The following ZNF708 variants were observed in gnomAD, a reference collection of about 807,000 sequenced individuals.
ZNF708 encodes the protein ZNF15, ZNF15L1.
A neutral mutation model predicts 47.0 loss-of-function variants in ZNF708; 44 were observed. The ratio of observed to expected loss-of-function variants is 0.94; its 90% CI spans 0.74 to 1.20. The LOEUF is 1.20. Ranked by LOEUF, ZNF708 falls within the 50% of genes most tolerant of loss-of-function variation. The probability of loss-of-function intolerance (pLI) is 0.00; values close to 1 mark genes in which losing one functional copy is unlikely to be tolerated. For missense variants in ZNF708, 557 were observed against 656.0 expected (o/e 0.85, Z 1.65); for synonymous variants, 184 against 218.5 (o/e 0.84, Z 1.39).
chr19:21,294,684 A>T lies in ZNF708; in HGVS notation c.282T>A (p.Ser94=), dbSNP rs754739295. 1.2e-6 allele frequency: 2 copies of T among 1,613,808 alleles called. No homozygotes were observed. Among genetic ancestry groups the T allele is most frequent in the East Asian group, 4.5e-5 (2 of 44,866 alleles). ...ATCTTCTCAGTATCACTTGTTGGAA[A>T]GAATTTTTTATATATTGCTCTGGCC... is the stretch of plus-strand genomic sequence containing the variant. ...DLRPEQYIKN[S]FQQVILRRYG... is the part of the protein sequence containing the mutation. The change falls in exon 4 of 4, where the codon TCT becomes TCA. Residue 94 remains serine (S), a synonymous_variant. Transcript: ENST00000356929.
chr19:21,310,057 T>C (rs886852236), intron 2 of ZNF708, among the ~76,000 whole-genome samples: 1 of 151,686 alleles, frequency 6.6e-6, no homozygotes, highest in African/African-American at 2.4e-5. Context: ...AAACAGGTAG[T>C]TGAAACTCAT....
chr19:21,323,407 C>T (rs1707388066), intron 1 of ZNF708, among the ~76,000 whole-genome samples: 1 of 152,190 alleles, frequency 6.6e-6, no homozygotes. Context: ...CTCCAAAGAA[C>T]AGGCTGACTT....
intron 1 of ZNF708, among the ~76,000 whole-genome samples, chr19:21,322,934 T>C (rs1973182152): frequency 1.3e-5 from 2 of 152,204 alleles, no homozygotes; most frequent in Non-Finnish European, 2.9e-5. Context: ...ATTTCTGAGC[T>C]ACTGTTTAAA....
chr19:21,321,704 A>G (rs62107476), intron 1 of ZNF708, among the ~76,000 whole-genome samples: 78,045 of 140,662 alleles, frequency 0.55, 21,980 homozygotes, highest in Middle Eastern at 0.68. Flanking sequence ...AGAAAGAAAG[A>G]AAGGAAGGAA....
chr19:21,314,760 T>C (rs1202572080), intron 1 of ZNF708, among the ~76,000 whole-genome samples: 6 of 152,118 alleles, frequency 3.9e-5, no homozygotes, highest in Non-Finnish European at 8.8e-5. Flanking sequence ...ACATCCCTTG[T>C]ATAAGGGAAG....
rs376603584 is a variant in ZNF708, at chr19:21,329,207, C to T, written c.3+3G>A. ...CTCTCGGGATGTCGGACGGCACTCT[C>T]ACCATTTCTAGGCTTCCAGAGGGTC... On this transcript the variant is annotated splice_donor_region_variant and intron_variant, in intron 1 of 3. Transcript: ENST00000356929. 2 of 1,612,284 alleles carry T rather than the reference C, an allele frequency of 1.2e-6. No homozygotes were observed. The highest frequency in any genetic ancestry group is 8.5e-7 in the Non-Finnish European group (1 of 1,178,682).
chr19:21,323,079 G>A (rs1973184750), intron 1 of ZNF708, among the ~76,000 whole-genome samples: 2 of 152,150 alleles, frequency 1.3e-5, no homozygotes, highest in South Asian at 2.1e-4. Flanking sequence ...TGGCAGACAT[G>A]TATAGAACAA....
chr19:21,303,708 T>C (rs752181733), intron 3 of ZNF708, among the ~76,000 whole-genome samples: 5 of 151,976 alleles, frequency 3.3e-5, no homozygotes, highest in Non-Finnish European at 5.9e-5. Flanking sequence ...AGTAACGTAA[T>C]AGAAAAAATT....
chr19:21,319,366 C>T (rs1599687857), intron 1 of ZNF708, among the ~76,000 whole-genome samples: 1 of 151,918 alleles, frequency 6.6e-6, no homozygotes. Flanking sequence ...GTAAAAGGAA[C>T]CTAGTATGTT....
intron 3 of ZNF708, among the ~76,000 whole-genome samples, chr19:21,304,591 A>T (rs1286802286): frequency 6.6e-6 from 1 of 152,208 alleles, no homozygotes; most frequent in Admixed American, 6.5e-5. Context: ...AAGTCTTATT[A>T]AATTTATGAA....
chr19:21,319,302 G>A (rs922319232), intron 1 of ZNF708, among the ~76,000 whole-genome samples: 4 of 152,136 alleles, frequency 2.6e-5, no homozygotes, highest in Non-Finnish European at 5.9e-5. Flanking sequence ...TTTTTGCAGT[G>A]TAAGTACTTC....
At chr19:21,328,443 A>C (rs144151847) in intron 1 of ZNF708, among the ~76,000 whole-genome samples, 27 of 152,322 alleles carry the variant, frequency 1.8e-4, no homozygotes, top group African/African-American at 6.0e-4. Context: ...GTTTATTTGC[A>C]GTTTAAATCT....
At chr19:21,320,514 C>A (rs901182820) in intron 1 of ZNF708, among the ~76,000 whole-genome samples, 2 of 151,538 alleles carry the variant, frequency 1.3e-5, no homozygotes, top group East Asian at 3.9e-4. Flanking sequence ...GGCAAAACCC[C>A]GTCTCTACAA....
intron 3 of ZNF708, among the ~76,000 whole-genome samples, chr19:21,305,158 G>A (rs1037160876): frequency 2.0e-5 from 3 of 151,164 alleles, no homozygotes; most frequent in African/African-American, 4.9e-5. Context: ...CTACAGGTGC[G>A]TGCCACCACG....
chr19:21,328,414 C>T (rs1426562352), intron 1 of ZNF708, among the ~76,000 whole-genome samples: 1 of 152,112 alleles, frequency 6.6e-6, no homozygotes, highest in Non-Finnish European at 1.5e-5. Context: ...TCAGAAGGAA[C>T]TAGAAATTTA....
At chr19:21,311,956 T>A (rs1849389213) in intron 1 of ZNF708, among the ~76,000 whole-genome samples, 1 of 152,074 alleles carries the variant, frequency 6.6e-6, no homozygotes, top group Non-Finnish European at 1.5e-5. Context: ...GAACCCCTCA[T>A]ACTCAATTCT....
At chr19:21,311,508 A>T (rs953787350) in intron 1 of ZNF708, among the ~76,000 whole-genome samples, 1 of 152,198 alleles carries the variant, frequency 6.6e-6, no homozygotes, top group African/African-American at 2.4e-5. Context: ...AAAGTGAATT[A>T]TAGTCTGAAT....
chr19:21,300,101 C>T (rs569016096), intron 3 of ZNF708, among the ~76,000 whole-genome samples: 5 of 151,860 alleles, frequency 3.3e-5, no homozygotes, highest in African/African-American at 1.2e-4. Context: ...ATCAGGAGTT[C>T]GAGACCAGCC....
chr19:21,292,944 C>T lies in ZNF708; in HGVS notation c.*330G>A, dbSNP rs575762098. 1.3e-4 allele frequency: 27 copies of T among 203,696 alleles called. No homozygotes were observed. In the East Asian group the frequency reaches 1.8e-3, roughly 13 times the overall value. The allele number at this position is 203,696 out of a possible 1,614,324, so 12.6% of individuals were successfully genotyped here. A position where few individuals can be genotyped will look rare whatever the true frequency, so the allele number is the denominator to read the frequency against. On this transcript the variant is annotated 3_prime_UTR_variant, in exon 4 of 4. Transcript: ENST00000356929. The stretch of plus-strand genomic sequence containing the variant: ...CATTTAAAGATTTTGTCACATTTTT[C>T]GCATTTTTAAAGTTCCTCACCAGTA...
Sources: gnomAD v4.1 joint callset for allele counts (sites outside exome capture counted in the v4.1 genomes callset) on GRCh38, gnomAD v4.1.1 for gene constraint, MANE v1.5 for transcripts, NCBI Gene and HGNC (gene_info 2026-07-23, HGNC 2026-07-21) for gene names.